LSM14A: variants seen among roughly 807,000 people sequenced by gnomAD.
LSM14A encodes LSM14A mRNA processing body assembly factor.
LSM14A carries 14 observed loss-of-function variants against 52.4 expected under a neutral mutation model. That is an observed-to-expected ratio of 0.27 (90% confidence interval 0.18 to 0.42). The LOEUF (loss-of-function observed/expected upper bound fraction) is 0.42, where lower values mean the gene tolerates loss of function less well. Ranked by LOEUF, LSM14A falls within the 10% of genes least tolerant of loss-of-function variation. LSM14A has a pLI of 1.00. For missense variants in LSM14A, 417 were observed against 581.8 expected (o/e 0.72, Z 2.91); for synonymous variants, 185 against 200.3 (o/e 0.92, Z 0.64).
chr19:34,212,148 C>A (rs1192938288), intron 4 of LSM14A, among the ~76,000 whole-genome samples: 1 of 152,048 alleles, frequency 6.6e-6, no homozygotes, highest in Non-Finnish European at 1.5e-5. Flanking sequence ...CTAGCCTGGG[C>A]AACATACCAG....
chr19:34,217,875 A>G (rs981408776), intron 6 of LSM14A, among the ~76,000 whole-genome samples: 1 of 151,754 alleles, frequency 6.6e-6, no homozygotes, highest in Non-Finnish European at 1.5e-5. Flanking sequence ...TAACTGCCAT[A>G]CTATCTTTCA....
In LSM14A at chr19:34,189,916, C is replaced by G. The variant is rs1237673565; in HGVS notation, c.122-4562C>G. Among the ~76,000 whole-genome samples the G allele has an allele frequency of 2.0e-5, 3 of 152,150 alleles. No individual in the cohort carries two copies. In the South Asian group the frequency reaches 6.2e-4, roughly 32 times the overall value. On this transcript the variant is annotated intron_variant, in intron 1 of 9. Transcript: ENST00000544216. The stretch of plus-strand genomic sequence containing the variant: ...GTAAAGGTGACCAGAAGTGGTGGCA[C>G]TACTCAGGGCTAGCTGTATTTAACT...
At chr19:34,214,380 C>T (rs1040639195) in intron 4 of LSM14A, among the ~76,000 whole-genome samples, 6 of 151,746 alleles carry the variant, frequency 4.0e-5, no homozygotes, top group Non-Finnish European at 8.8e-5. Flanking sequence ...GGCACAATCT[C>T]GGCTCACTGC....
intron 1 of LSM14A, among the ~76,000 whole-genome samples, chr19:34,176,134 G>A (rs546795384): frequency 4.5e-4 from 68 of 152,302 alleles, no homozygotes; most frequent in African/African-American, 1.6e-3. Flanking sequence ...ACAGGTGTGA[G>A]GCACTGCACC....
Position 34,192,316 on chromosome 19 carries a change from G to GTTTTTTTTTTTTTTTTTT in LSM14A, c.122-2160_122-2159insTTTTTTTTTTTTTTTTTT, listed in dbSNP as rs1306000214. ...TTTACACTGAAATAACATTCTTTTTGTTGTTTTTTTTTTTTTTTTTTTTTT... is the reference window on the plus strand; with the variant it reads ...TTTACACTGAAATAACATTCTTTTTGTTTTTTTTTTTTTTTTTTTTGTTTTTTTTTTTTTTTTTTTTTT... On this transcript the variant is annotated intron_variant, in intron 1 of 9. Transcript: ENST00000544216. Among the ~76,000 whole-genome samples the GTTTTTTTTTTTTTTTTTT allele has an allele frequency of 5.2e-4, 34 of 65,764 alleles. 3 individuals are homozygous for GTTTTTTTTTTTTTTTTTT. Among genetic ancestry groups the GTTTTTTTTTTTTTTTTTT allele is most frequent in the Non-Finnish European group, 6.7e-4 (23 of 34,538 alleles). The allele number at this position is 65,764 out of a possible 152,430, so 43.1% of individuals were successfully genotyped here. A position where few individuals can be genotyped will look rare whatever the true frequency, so the allele number is the denominator to read the frequency against.
Position 34,224,298 on chromosome 19 carries a change from T to G in LSM14A, c.1368+2560T>G, listed in dbSNP as rs375629514. Among the ~76,000 whole-genome samples, 10 of 152,142 alleles carry G rather than the reference T, an allele frequency of 6.6e-5. No homozygotes were observed. In the East Asian group the frequency reaches 1.2e-3, roughly 18 times the overall value. ...GTGAGCCGAGATCACGCCACTGTAC[T>G]CCAGCCTGGGCGACAGAGCAAGACT... On this transcript the variant is annotated intron_variant, in intron 9 of 9. Coordinates refer to ENST00000544216, the MANE Select transcript of LSM14A (RefSeq NM_015578.4).
At chr19:34,179,371 G>A (rs1247117080) in intron 1 of LSM14A, among the ~76,000 whole-genome samples, 2 of 152,136 alleles carry the variant, frequency 1.3e-5, no homozygotes, top group Non-Finnish European at 2.9e-5. Flanking sequence ...AAATACTTGC[G>A]GGGTGCTTTA....
chr19:34,194,465 GT>G lies in LSM14A; in HGVS notation c.122-9del. The G allele has an allele frequency of 6.2e-7, 1 of 1,613,262 alleles. No homozygotes were observed. Among genetic ancestry groups the G allele is most frequent in the Non-Finnish European group, 8.5e-7 (1 of 1,179,342 alleles). The stretch of plus-strand genomic sequence containing the variant: ...AGTAGTCACACATCTCATATCCTTT[GT>G]TTTCTTGCCAGTTCGATCCTTTGGT... On this transcript the variant is annotated splice_polypyrimidine_tract_variant and intron_variant, in intron 1 of 9. Coordinates refer to ENST00000544216, the MANE Select transcript of LSM14A (RefSeq NM_015578.4).
chr19:34,214,743 A>G (rs2072447872), intron 4 of LSM14A, among the ~76,000 whole-genome samples: 1 of 152,204 alleles, frequency 6.6e-6, no homozygotes, highest in South Asian at 2.1e-4. Flanking sequence ...GTCATTGGCG[A>G]AAGCCTGTGT....
At chr19:34,202,247 A>G (rs1483980837) in intron 3 of LSM14A, among the ~76,000 whole-genome samples, 1 of 148,602 alleles carries the variant, frequency 6.7e-6, no homozygotes, top group Non-Finnish European at 1.5e-5. Flanking sequence ...AGACGTTAGC[A>G]CTTTGGGAGG....
chr19:34,174,530 A>C (rs754942603), intron 1 of LSM14A, among the ~76,000 whole-genome samples: 1 of 152,202 alleles, frequency 6.6e-6, no homozygotes, highest in Non-Finnish European at 1.5e-5. Context: ...ACACCTGTAG[A>C]CTTGGCGGTT....
At chr19:34,212,446 T>A (rs1286850289) in intron 4 of LSM14A, among the ~76,000 whole-genome samples, 1 of 152,182 alleles carries the variant, frequency 6.6e-6, no homozygotes, top group African/African-American at 2.4e-5. Context: ...TCCCTCATAC[T>A]GAGCACCAAA....
At chr19:34,199,876 C>A (rs1037675265) in intron 3 of LSM14A, among the ~76,000 whole-genome samples, 1 of 152,188 alleles carries the variant, frequency 6.6e-6, no homozygotes, top group Non-Finnish European at 1.5e-5. Flanking sequence ...TCATTAGATG[C>A]TGAAGTCATT....
At position 34,194,501 on chromosome 19, in the gene LSM14A, A is replaced by C. The variant is rs1475604813; in HGVS notation, c.145A>C (p.Arg49=). The C allele has an allele frequency of 6.2e-7, 1 of 1,614,220 alleles. No individual in the cohort carries two copies. Among genetic ancestry groups the C allele is most frequent in the African/African-American group, 1.3e-5 (1 of 75,064 alleles). Residue 49 remains arginine, a synonymous_variant, in exon 2 of 10, where the codon AGA becomes CGA. Transcript: ENST00000544216. ...AGTTCGATCCTTTGGTACAGAAGAC[A>C]GACCGACAGATCGTCCAATACCACC... ...AKVRSFGTED[R]PTDRPIPPRD...
chr19:34,176,051 T>C (rs1233900483), intron 1 of LSM14A, among the ~76,000 whole-genome samples: 2 of 152,140 alleles, frequency 1.3e-5, no homozygotes, highest in Non-Finnish European at 2.9e-5. Context: ...GGTTTCACCA[T>C]GTTGGCCAGG....
intron 9 of LSM14A, 105 bp from the exon 10 acceptor site, chr19:34,227,260 G>C (rs998026499): frequency 1.2e-5 from 9 of 743,668 alleles, no homozygotes; most frequent in Non-Finnish European, 1.6e-5. Context: ...AAGTAAAAGT[G>C]GGGGAGTATA....
intron 6 of LSM14A, among the ~76,000 whole-genome samples, chr19:34,217,619 GTTT>G (rs34613927): frequency 1.4e-3 from 19 of 13,754 alleles, no homozygotes; most frequent in Admixed American, 6.7e-3. Flanking sequence ...CCCCCCCCGT[GTTT>G]TTTTTTTTTT....
At position 34,207,688 on chromosome 19, in the gene LSM14A, C is replaced by T. The variant is rs1027675440; in HGVS notation, c.416-1241C>T. Among the ~76,000 whole-genome samples, 7 of 152,180 alleles carry T rather than the reference C, an allele frequency of 4.6e-5. No homozygotes were observed. The South Asian group carries it at 8.3e-4, about 18-fold the overall frequency. ...CTGGGACTGCAGGCATGCGCCACCA[C>T]GCCCAGCTAATTTTTGAATTTTTGT... is the stretch of plus-strand genomic sequence containing the variant. On this transcript the variant is annotated intron_variant, in intron 3 of 9. Transcript: ENST00000544216.
Position 34,228,335 on chromosome 19 carries a change from G to A in LSM14A, c.*947G>A, listed in dbSNP as rs1306533363. On this transcript the variant is annotated 3_prime_UTR_variant, in exon 10 of 10. Transcript: ENST00000544216. ...TCTGTCCAGATAATCGATATTTTCAGTATACAAATGTAAATAATCACAGAT... is the reference window on the plus strand; with the variant it reads ...TCTGTCCAGATAATCGATATTTTCAATATACAAATGTAAATAATCACAGAT... 6.6e-6 allele frequency: 1 copy of A among 152,612 alleles called. No individual in the cohort carries two copies. The highest frequency in any genetic ancestry group is 2.4e-5 in the African/African-American group (1 of 41,430). 9.5% of individuals were successfully genotyped at this position (152,612 alleles called of 1,614,324 possible).
Sources: allele counts gnomAD v4.1 joint callset (sites outside exome capture counted in the v4.1 genomes callset), GRCh38; gene constraint gnomAD v4.1.1; transcripts MANE v1.5; gene names NCBI Gene and HGNC (gene_info 2026-07-23, HGNC 2026-07-21).